Variants in PDE3B observed in about 807,000 individuals in gnomAD.
The protein encoded by PDE3B is phosphodiesterase 3B, also known as cGMP-inhibited 3',5'-cyclic phosphodiesterase 3B.
PDE3B carries 66 observed loss-of-function variants against 116.8 expected under a neutral mutation model. The observed-to-expected ratio is 0.56, with a 90% CI of 0.46 to 0.69. PDE3B has a LOEUF of 0.69. Ranked by LOEUF, PDE3B falls within the 30% of genes least tolerant of loss-of-function variation. PDE3B has a pLI of 0.00. For synonymous variants in PDE3B, 595 were observed against 533.6 expected (o/e 1.12, Z -1.59); for missense variants, 1,384 against 1,368.1 (o/e 1.01, Z -0.18).
chr11:14,896,670 C>T, the PDE3B span, among the ~76,000 whole-genome samples: 84,425 of 151,944 alleles, frequency 0.56, 23,738 homozygotes, highest in Admixed American at 0.61. Context: ...CCCCCATGAT[C>T]GTGTTCATGG....
intron 5 of PDE3B, among the ~76,000 whole-genome samples, chr11:14,811,315 G>A (rs1426978746): frequency 1.3e-5 from 2 of 152,314 alleles, no homozygotes; most frequent in South Asian, 2.1e-4. Flanking sequence ...TAACGTTTAA[G>A]TCTTTAATCC....
intron 1 of PDE3B, among the ~76,000 whole-genome samples, chr11:14,747,098 G>A (rs1344680080): frequency 1.3e-5 from 2 of 152,158 alleles, no homozygotes; most frequent in African/African-American, 4.8e-5. Flanking sequence ...AAGGGTTGGG[G>A]GAGGTGCCAT....
the PDE3B span, chr11:14,891,668 G>A: frequency 3.3e-5 from 39 of 1,169,072 alleles, no homozygotes; most frequent in Non-Finnish European, 4.1e-5. Flanking sequence ...GTGGCGGCGC[G>A]GCTGGCGAGC....
Position 14,643,945 on chromosome 11 carries a change from G to C in PDE3B, c.-131G>C. 1 of 1,299,862 alleles carries C rather than the reference G, an allele frequency of 7.7e-7. No individual in the cohort carries two copies. Among genetic ancestry groups the C allele is most frequent in the South Asian group, 2.0e-5 (1 of 49,932 alleles). 80.5% of individuals were successfully genotyped at this position (1,299,862 alleles called of 1,614,324 possible). A position where few individuals can be genotyped will look rare whatever the true frequency, so the allele number is the denominator to read the frequency against. The stretch of plus-strand genomic sequence containing the variant: ...CGCGGTGGGGACCCCGGGCCGTGGC[G>C]GCCGGCGCAGCCCTGACGGGTTGCG... On this transcript the variant is annotated 5_prime_UTR_variant, in exon 1 of 16. Coordinates refer to ENST00000282096, the MANE Select transcript of PDE3B (RefSeq NM_000922.4).
At chr11:14,880,106 A>G in the PDE3B span, 1 of 1,610,826 alleles carries the variant, frequency 6.2e-7, no homozygotes, top group South Asian at 1.1e-5. Flanking sequence ...ATGTAAGGAT[A>G]GACCCTGAGA....
At chr11:14,879,109 C>T in the PDE3B span, 5 of 1,612,110 alleles carry the variant, frequency 3.1e-6, no homozygotes, top group East Asian at 2.2e-5. Context: ...TGAAAGTTCT[C>T]TTACCTAGGG....
intron 1 of PDE3B, among the ~76,000 whole-genome samples, chr11:14,738,639 C>T (rs951628276): frequency 2.0e-5 from 3 of 152,136 alleles, no homozygotes; most frequent in Admixed American, 6.5e-5. Flanking sequence ...GCTTTTGTTG[C>T]CATTGCTTTT....
At chr11:14,816,029 T>G (rs1859319776) in intron 5 of PDE3B, among the ~76,000 whole-genome samples, 1 of 152,002 alleles carries the variant, frequency 6.6e-6, no homozygotes, top group Non-Finnish European at 1.5e-5. Context: ...TGTGTGGGCT[T>G]GCAAGGCAAG....
chr11:14,830,973 G>A (rs1450288165), intron 8 of PDE3B, 127 bp downstream of exon 8: 8 of 466,356 alleles, frequency 1.7e-5, no homozygotes, highest in Non-Finnish European at 3.5e-6. Flanking sequence ...TTACTTATAA[G>A]TCACTATAAC....
intron 1 of PDE3B, among the ~76,000 whole-genome samples, chr11:14,763,032 T>C (rs1857404573): frequency 6.6e-6 from 1 of 152,042 alleles, no homozygotes; most frequent in African/African-American, 2.4e-5. Flanking sequence ...CATTTGTGAG[T>C]CATTAGCTTA....
Position 14,644,949 on chromosome 11 carries a change from C to G in PDE3B, c.874C>G (p.Arg292Gly), listed in dbSNP as rs780178683. Residue 292 changes from arginine (R) to glycine (G), a missense_variant, in exon 1 of 16, where the codon CGG becomes GGG. Physicochemically the swap from Arg to Gly is moderately radical, Grantham distance 125. This residue lies in a region of PDE3B where 956 missense variants were observed against 806.8 expected (regional missense o/e 1.18). Coordinates refer to ENST00000282096, the MANE Select transcript of PDE3B (RefSeq NM_000922.4). ...AEEKVPVIRP[R>G]RRSSCVSLGE... ...AGAAAAAGTGCCTGTGATCCGACCC[C>G]GGAGGAGGTCCAGCTGCGTGTCGTT... The G allele has an allele frequency of 1.2e-6, 2 of 1,614,046 alleles. No homozygotes were observed. Among genetic ancestry groups the G allele is most frequent in the Non-Finnish European group, 1.7e-6 (2 of 1,180,018 alleles).
chr11:14,831,730 G>T lies in PDE3B; in HGVS notation c.2047G>T (p.Glu683Ter). 1 of 1,606,092 alleles carries T rather than the reference G, an allele frequency of 6.2e-7. No individual in the cohort carries two copies. The highest frequency in any genetic ancestry group is 1.1e-5 in the South Asian group (1 of 90,160). ...KMSNWNFPIF[E>*]LVEKMGEKSG... ...GAGCAACTGGAATTTTCCAATTTTTGAACTTGTAGAAAAGATGGGAGAGAA... is the reference window on the plus strand; with the variant it reads ...GAGCAACTGGAATTTTCCAATTTTTTAACTTGTAGAAAAGATGGGAGAGAA... The change falls in exon 9 of 16, where the codon GAA (glutamate) becomes TAA (stop). Residue 683 changes from glutamate (E) to a stop codon, truncating the protein, a stop_gained. Coordinates refer to ENST00000282096, the MANE Select transcript of PDE3B (RefSeq NM_000922.4). LOFTEE classifies it high-confidence loss of function.
intron 1 of PDE3B, among the ~76,000 whole-genome samples, chr11:14,703,228 T>A (rs1237081030): frequency 8.6e-5 from 13 of 151,900 alleles, no homozygotes; most frequent in Non-Finnish European, 1.9e-4. Context: ...GTAAATTGAC[T>A]TCTTATTCTT....
At position 14,871,271 on chromosome 11, in the gene PDE3B, G is replaced by C. The variant is rs933344207; in HGVS notation, c.*1611G>C. 6.6e-6 allele frequency: 1 copy of C among 152,138 alleles called. No individual in the cohort carries two copies. Among genetic ancestry groups the C allele is most frequent in the Non-Finnish European group, 1.5e-5 (1 of 67,996 alleles). 9.4% of individuals were successfully genotyped at this position (152,138 alleles called of 1,614,324 possible). On this transcript the variant is annotated 3_prime_UTR_variant, in exon 16 of 16. Coordinates refer to ENST00000282096, the MANE Select transcript of PDE3B (RefSeq NM_000922.4). ...TTTATTTATTAGACGTGTTGAGTGA[G>C]TGCTGAGTTCCTTGCTGCCACTTTT... is the stretch of plus-strand genomic sequence containing the variant.
At chr11:14,649,686 C>CA (rs1387833598) in intron 1 of PDE3B, among the ~76,000 whole-genome samples, 3 of 152,156 alleles carry the variant, frequency 2.0e-5, no homozygotes, top group Non-Finnish European at 4.4e-5. Context: ...ACCTTGATGA[C>CA]AAACTTCTGA....
chr11:14,649,948 A>G (rs976186956), intron 1 of PDE3B, among the ~76,000 whole-genome samples: 7 of 152,062 alleles, frequency 4.6e-5, no homozygotes, highest in Non-Finnish European at 8.8e-5. Context: ...AGTTTATAAC[A>G]TTGACTTGTT....
Position 14,651,031 on chromosome 11 carries a change from G to C in PDE3B, c.978+5978G>C, listed in dbSNP as rs151070314. On this transcript the variant is annotated intron_variant, in intron 1 of 15. Coordinates refer to ENST00000282096, the MANE Select transcript of PDE3B (RefSeq NM_000922.4). ...TTGCTAGGGCTGCCATGACAAAGTA[G>C]CACAAACTAGGTGGCTTGAACAGCA... 4.5e-3 allele frequency among the ~76,000 whole-genome samples: 684 copies of C among 152,138 alleles called. 3 individuals are homozygous for C. The highest frequency in any genetic ancestry group is 0.015 in the African/African-American group (609 of 41,500).
At chr11:14,688,123 C>T (rs938083685) in intron 1 of PDE3B, among the ~76,000 whole-genome samples, 4 of 134,390 alleles carry the variant, frequency 3.0e-5, no homozygotes, top group Non-Finnish European at 6.5e-5. Context: ...TTCTCTCTCT[C>T]TCTCTCTCTC....
intron 1 of PDE3B, among the ~76,000 whole-genome samples, chr11:14,684,069 G>A (rs1000667322): frequency 1.3e-5 from 2 of 152,114 alleles, no homozygotes; most frequent in South Asian, 4.1e-4. Flanking sequence ...TTGATGTCTA[G>A]ATATGAGATT....
Sources: gnomAD v4.1 joint callset for allele counts (sites outside exome capture counted in the v4.1 genomes callset) on GRCh38, gnomAD v4.1.1 for gene constraint, gnomAD v4.1.1 regional missense constraint, MANE v1.5 for transcripts, NCBI Gene and HGNC (gene_info 2026-07-23, HGNC 2026-07-21) for gene names.